The following TLE1 variants were observed in gnomAD, a reference collection of about 807,000 sequenced individuals.
The protein encoded by TLE1 is TLE family member 1, transcriptional corepressor.
TLE1 carries 21 observed loss-of-function variants against 89.8 expected under a neutral mutation model. The observed-to-expected ratio is 0.23, with a 90% CI of 0.17 to 0.34. The LOEUF is 0.34. TLE1 is among the 10% of genes least tolerant of loss of function. TLE1 has a pLI of 1.00. For synonymous variants in TLE1, 447 were observed against 407.6 expected, an observed-to-expected ratio of 1.10 and a Z score of -1.16; for missense variants, 795 against 1,031.2, an observed-to-expected ratio of 0.77 and a Z score of 3.14.
intron 14 of TLE1, among the ~76,000 whole-genome samples, chr9:81,599,276 C>A (rs1830607039): frequency 6.6e-6 from 1 of 152,160 alleles, no homozygotes; most frequent in Non-Finnish European, 1.5e-5. Flanking sequence ...GGTAGACCAA[C>A]TCCAGCTCAG....
intron 17 of TLE1, among the ~76,000 whole-genome samples, chr9:81,586,268 C>T (rs1403841400): frequency 6.6e-6 from 1 of 152,148 alleles, no homozygotes; most frequent in African/African-American, 2.4e-5. Context: ...CCACCCGCCT[C>T]GGCCTCCCAA....
rs1834646496 is a variant in TLE1 at position 81,688,336 on chromosome 9, C to T, written c.-96G>A. 1 of 1,338,604 alleles carries T rather than the reference C, an allele frequency of 7.5e-7. No individual in the cohort carries two copies. The highest frequency in any genetic ancestry group is 3.7e-5 in the Admixed American group (1 of 27,000). 82.9% of individuals were successfully genotyped at this position (1,338,604 alleles called of 1,614,324 possible). The stretch of plus-strand genomic sequence containing the variant: ...GCCGAGGAAAATTAAGCCGGAAAGC[C>T]AAGCAGAAGCGGGGAGCGCGCTGGC... On this transcript the variant is annotated 5_prime_UTR_variant, in exon 1 of 20. Coordinates refer to ENST00000376499, the MANE Select transcript of TLE1 (RefSeq NM_005077.5).
intron 18 of TLE1, among the ~76,000 whole-genome samples, chr9:81,585,090 G>A (rs746177488): frequency 3.9e-5 from 6 of 152,064 alleles, no homozygotes; most frequent in Admixed American, 6.6e-5. Context: ...CCTCACTGTA[G>A]AGTAGAGTGT....
chr9:81,611,379 A>G (rs1415258333), intron 13 of TLE1, among the ~76,000 whole-genome samples: 1 of 151,748 alleles, frequency 6.6e-6, no homozygotes, highest in Non-Finnish European at 1.5e-5. Context: ...GTTTAATGAG[A>G]AAAAAAAAGT....
intron 6 of TLE1, among the ~76,000 whole-genome samples, chr9:81,647,040 T>G (rs1015773907): frequency 2.0e-5 from 3 of 152,152 alleles, no homozygotes; most frequent in Non-Finnish European, 2.9e-5. Flanking sequence ...ATGGTTTTTT[T>G]TTTCTCTTGT....
intron 4 of TLE1, among the ~76,000 whole-genome samples, chr9:81,676,275 G>A (rs1832897031): frequency 6.6e-6 from 1 of 152,136 alleles, no homozygotes; most frequent in Admixed American, 6.6e-5. Flanking sequence ...AAGGGTAGAT[G>A]GAAGTCCCTA....
rs200073367 is a variant in TLE1, at chr9:81,620,602, T to C, written c.595-45A>G. ...ATCAAAGATTTCTTCCCAAGCCTCTTTGTACACATGAAACCCAACCTCGAT... is the reference window on the plus strand; with the variant it reads ...ATCAAAGATTTCTTCCCAAGCCTCTCTGTACACATGAAACCCAACCTCGAT... On this transcript the variant is annotated intron_variant, in intron 8 of 19. Coordinates refer to ENST00000376499, the MANE Select transcript of TLE1 (RefSeq NM_005077.5). 1.4e-5 allele frequency: 23 copies of C among 1,594,266 alleles called. No homozygotes were observed. The African/African-American group carries it at 2.6e-4, about 18-fold the overall frequency.
At chr9:81,632,044 A>T (rs76416936) in intron 8 of TLE1, among the ~76,000 whole-genome samples, 2,109 of 152,200 alleles carry the variant, frequency 0.014, 25 homozygotes, top group Non-Finnish European at 0.023. Flanking sequence ...GAGCCGAGAT[A>T]GTGCTACTGC....
intron 14 of TLE1, among the ~76,000 whole-genome samples, chr9:81,602,782 C>G (rs1266280861): frequency 6.6e-6 from 1 of 151,972 alleles, no homozygotes; most frequent in African/African-American, 2.4e-5. Context: ...TAGGACCTTA[C>G]TGACAAAACT....
intron 8 of TLE1, among the ~76,000 whole-genome samples, chr9:81,632,474 CCTTTT>C (rs781054518): frequency 0.23 from 16,512 of 73,250 alleles, 1,166 homozygotes; most frequent in South Asian, 0.44. Flanking sequence ...GTTCAGTATC[CCTTTT>C]TTTTTTTTTT....
At position 81,660,978 on chromosome 9, in the gene TLE1, C is replaced by CACACACACACACACACACA. The variant is rs140689682; in HGVS notation, c.235-6943_235-6942insTGTGTGTGTGTGTGTGTGT. ...ACACACACACACACACACACACACA[C>CACACACACACACACACACA]ATTTAGCCTGGCGTGGTGGCACGTG... is the stretch of plus-strand genomic sequence containing the variant. On this transcript the variant is annotated intron_variant, in intron 4 of 19. Transcript: ENST00000376499. Among the ~76,000 whole-genome samples the CACACACACACACACACACA allele has an allele frequency of 6.2e-4, 76 of 121,828 alleles. 3 individuals carry two copies. The highest frequency in any genetic ancestry group is 8.5e-4 in the South Asian group (3 of 3,546). 79.9% of individuals were successfully genotyped at this position (121,828 alleles called of 152,430 possible).
intron 4 of TLE1, among the ~76,000 whole-genome samples, chr9:81,680,832 T>G (rs1363374745): frequency 6.6e-6 from 1 of 151,712 alleles, no homozygotes; most frequent in Non-Finnish European, 1.5e-5. Flanking sequence ...TAACTCTAAG[T>G]GCCTATACTC....
chr9:81,661,622 G>C (rs1046409403), intron 4 of TLE1, among the ~76,000 whole-genome samples: 1 of 152,158 alleles, frequency 6.6e-6, no homozygotes, highest in African/African-American at 2.4e-5. Flanking sequence ...ACACAGTGGA[G>C]TGTTGGTAAG....
intron 4 of TLE1, among the ~76,000 whole-genome samples, chr9:81,661,310 CT>C (rs1830771434): frequency 6.6e-6 from 1 of 151,184 alleles, no homozygotes; most frequent in South Asian, 2.1e-4. Context: ...ACTTCTCATA[CT>C]TTGTCTAACT....
Position 81,628,800 on chromosome 9 carries a change from A to T in TLE1, c.594+4548T>A, listed in dbSNP as rs115595956. On this transcript the variant is annotated intron_variant, in intron 8 of 19. Transcript: ENST00000376499. ...CCGGATGCACCCAGCCTCCTTGATA[A>T]AACCATGGTGCTGTGCCATATGACC... Among the ~76,000 whole-genome samples the T allele has an allele frequency of 2.9e-3, 445 of 152,230 alleles. 2 individuals are homozygous for T. The highest frequency in any genetic ancestry group is 0.01 in the African/African-American group (427 of 41,534).
chr9:81,655,102 G>A (rs919888192), intron 4 of TLE1, among the ~76,000 whole-genome samples: 2 of 152,002 alleles, frequency 1.3e-5, no homozygotes, highest in African/African-American at 2.4e-5. Flanking sequence ...GCGGTGGCTC[G>A]CGCCTGTAAT....
chr9:81,589,688 G>A (rs1435882099), intron 16 of TLE1, among the ~76,000 whole-genome samples: 1 of 152,156 alleles, frequency 6.6e-6, no homozygotes, highest in Non-Finnish European at 1.5e-5. Flanking sequence ...CAGACGTTAT[G>A]AGAACTAAGT....
At chr9:81,666,718 T>C (rs1046688241) in intron 4 of TLE1, among the ~76,000 whole-genome samples, 4 of 151,744 alleles carry the variant, frequency 2.6e-5, no homozygotes, top group Non-Finnish European at 5.9e-5. Context: ...GAGGTTGCAA[T>C]GAGCCAAGAT....
Position 81,593,303 on chromosome 9 carries a change from A to G in TLE1, c.1332-29T>C, listed in dbSNP as rs766150162. 2.8e-5 allele frequency: 44 copies of G among 1,587,758 alleles called. No individual in the cohort carries two copies. In the Admixed American group the frequency reaches 7.4e-4, roughly 27 times the overall value. On this transcript the variant is annotated intron_variant, in intron 14 of 19. Coordinates refer to ENST00000376499, the MANE Select transcript of TLE1 (RefSeq NM_005077.5). ...TTGGAAAAACGATTGGAGAGAAGAC[A>G]GAAAACACATTTACAGAGGAAGCAA...
Sources: gnomAD v4.1 joint callset for allele counts (sites outside exome capture counted in the v4.1 genomes callset) on GRCh38, gnomAD v4.1.1 for gene constraint, MANE v1.5 for transcripts, NCBI Gene and HGNC (gene_info 2026-07-23, HGNC 2026-07-21) for gene names.